Variants in CA10 observed in about 807,000 individuals in gnomAD.
The protein encoded by CA10 is carbonic anhydrase 10 (inactive).
A neutral mutation model predicts 44.2 loss-of-function variants in CA10; 14 were observed. The ratio of observed to expected loss-of-function variants is 0.32; its 90% confidence interval spans 0.21 to 0.50. The LOEUF (loss-of-function observed/expected upper bound fraction) is 0.50. CA10 is among the 20% of genes least tolerant of loss of function. CA10 has a pLI of 0.99. For synonymous variants in CA10, 159 were observed against 141.6 expected (o/e 1.12, Z -0.87); for missense variants, 350 against 409.7 (o/e 0.85, Z 1.26).
At chr17:51,700,778 G>A (rs1915571640) in intron 4 of CA10, among the ~76,000 whole-genome samples, 1 of 152,134 alleles carries the variant, frequency 6.6e-6, no homozygotes, top group Non-Finnish European at 1.5e-5. Flanking sequence ...GGACATAGAT[G>A]GAGCTGGAAG....
At chr17:52,012,191 G>A (rs906714584) in intron 2 of CA10, among the ~76,000 whole-genome samples, 1 of 151,828 alleles carries the variant, frequency 6.6e-6, no homozygotes. Context: ...AGAAACTGAG[G>A]GGAAAAAGAT....
chr17:51,660,584 T>G (rs1158222632), intron 4 of CA10, among the ~76,000 whole-genome samples: 3 of 152,194 alleles, frequency 2.0e-5, no homozygotes, highest in African/African-American at 7.2e-5. Context: ...TCACCCCTCA[T>G]GCCTCAGGAG....
intron 3 of CA10, among the ~76,000 whole-genome samples, chr17:51,863,633 G>T (rs1204201681): frequency 6.6e-6 from 1 of 152,172 alleles, no homozygotes; most frequent in African/African-American, 2.4e-5. Flanking sequence ...CACTTTTGAT[G>T]AGCTGGATAC....
chr17:52,121,033 C>A (rs1390540936), intron 1 of CA10, among the ~76,000 whole-genome samples: 1 of 152,166 alleles, frequency 6.6e-6, no homozygotes, highest in Non-Finnish European at 1.5e-5. Context: ...AACCTGGATA[C>A]CTTCCACTGT....
At chr17:52,099,217 C>T (rs1988479258) in intron 1 of CA10, among the ~76,000 whole-genome samples, 1 of 152,110 alleles carries the variant, frequency 6.6e-6, no homozygotes, top group African/African-American at 2.4e-5. Context: ...CAGGAAAGAG[C>T]TTAATATGCT....
At chr17:51,815,726 T>A (rs1254204448) in intron 3 of CA10, among the ~76,000 whole-genome samples, 2 of 152,160 alleles carry the variant, frequency 1.3e-5, no homozygotes, top group Non-Finnish European at 2.9e-5. Context: ...ATACTGGAAT[T>A]TGAGAGAGAA....
chr17:52,027,513 T>G lies in CA10; in HGVS notation c.136+44806A>C, dbSNP rs527931507. On this transcript the variant is annotated intron_variant, in intron 2 of 8. Coordinates refer to ENST00000451037, the MANE Select transcript of CA10 (RefSeq NM_020178.5). Reference sequence around the variant, plus strand: ...ATTATCTGAAGTCTGCCCCAGCTGGTTACTCTGGGAGTCTAGGATCTAAAA... The same window carrying G: ...ATTATCTGAAGTCTGCCCCAGCTGGGTACTCTGGGAGTCTAGGATCTAAAA... 1.2e-3 allele frequency among the ~76,000 whole-genome samples: 187 copies of G among 152,246 alleles called. 5 individuals carry two copies. The South Asian group carries it at 0.023, about 19-fold the overall frequency.
intron 3 of CA10, among the ~76,000 whole-genome samples, chr17:51,849,203 A>ATATGTG (rs1978655186): frequency 4.6e-5 from 2 of 43,274 alleles, no homozygotes; most frequent in Non-Finnish European, 8.5e-5. Context: ...ATATACATAT[A>ATATGTG]TGTATATATA....
intron 3 of CA10, among the ~76,000 whole-genome samples, chr17:51,899,781 C>G (rs1981230624): frequency 6.6e-6 from 1 of 151,898 alleles, no homozygotes. Context: ...GAATTCAACC[C>G]TTAGCCATTA....
chr17:51,827,341 CACACACACACACAT>C (rs947007283), intron 3 of CA10, among the ~76,000 whole-genome samples: 10 of 150,910 alleles, frequency 6.6e-5, no homozygotes, highest in African/African-American at 2.2e-4. Context: ...CGCACACACA[CACACACACACACAT>C]ACACACACAC....
intron 3 of CA10, among the ~76,000 whole-genome samples, chr17:51,828,904 A>G (rs1171020061): frequency 2.0e-5 from 3 of 152,254 alleles, no homozygotes; most frequent in Non-Finnish European, 4.4e-5. Context: ...GTTATGTTAA[A>G]ATAGTGCATG....
At chr17:52,145,319 G>C (rs2143395034) in intron 1 of CA10, among the ~76,000 whole-genome samples, 1 of 152,242 alleles carries the variant, frequency 6.6e-6, no homozygotes, top group Non-Finnish European at 1.5e-5. Context: ...TTCTGTAAAA[G>C]TCTCTTAATA....
chr17:51,929,557 GC>G (rs1982567090), intron 3 of CA10, among the ~76,000 whole-genome samples: 1 of 152,018 alleles, frequency 6.6e-6, no homozygotes, highest in Non-Finnish European at 1.5e-5. Context: ...TCCACCCCCT[GC>G]TTTTCCTTTT....
chr17:51,746,947 CT>C (rs1462649940), intron 4 of CA10, among the ~76,000 whole-genome samples: 3 of 152,236 alleles, frequency 2.0e-5, no homozygotes, highest in Admixed American at 6.5e-5. Flanking sequence ...GTAAGGACCC[CT>C]GATCTCTAGT....
intron 4 of CA10, among the ~76,000 whole-genome samples, chr17:51,659,162 A>G (rs1477541040): frequency 6.6e-6 from 1 of 152,198 alleles, no homozygotes; most frequent in East Asian, 1.9e-4. Context: ...CTTATCAGCG[A>G]GGGTGGGCAA....
At chr17:52,101,630 A>G (rs1988542486) in intron 1 of CA10, among the ~76,000 whole-genome samples, 1 of 152,170 alleles carries the variant, frequency 6.6e-6, no homozygotes, top group Non-Finnish European at 1.5e-5. Context: ...AAAAATTATA[A>G]TATTTCTTAT....
At position 51,741,993 on chromosome 17, in the gene CA10, T is replaced by C. The variant is rs187312418; in HGVS notation, c.465+5640A>G. Among the ~76,000 whole-genome samples the C allele has an allele frequency of 5.3e-5, 8 of 152,352 alleles. No homozygotes were observed. The East Asian group carries it at 1.5e-3, about 29-fold the overall frequency. Reference sequence around the variant, plus strand: ...GGTCGGTCAGTTTCTCTCTTTTTAATAGCATCCTTTAAAAATGTAAACCAT... The same window carrying C: ...GGTCGGTCAGTTTCTCTCTTTTTAACAGCATCCTTTAAAAATGTAAACCAT... On this transcript the variant is annotated intron_variant, in intron 4 of 8. Coordinates refer to ENST00000451037, the MANE Select transcript of CA10 (RefSeq NM_020178.5).
chr17:51,636,775 TTGTGTGTGTGTGTGTGTGTGTG>T (rs57428535), intron 6 of CA10, among the ~76,000 whole-genome samples: 3 of 146,512 alleles, frequency 2.0e-5, no homozygotes, highest in Non-Finnish European at 4.5e-5. Flanking sequence ...ACTGATTATT[TTGTGTGTGTGTGTGTGTGTGTG>T]TGTGTGTGTG....
chr17:51,767,727 T>A (rs935021097), intron 3 of CA10, among the ~76,000 whole-genome samples: 1 of 143,302 alleles, frequency 7.0e-6, no homozygotes, highest in African/African-American at 2.5e-5. Flanking sequence ...AGCCCCGAGC[T>A]TTTTTTTTTT....
Sources: gnomAD v4.1 joint callset for allele counts (sites outside exome capture counted in the v4.1 genomes callset) on GRCh38, gnomAD v4.1.1 for gene constraint, MANE v1.5 for transcripts, NCBI Gene and HGNC (gene_info 2026-07-23, HGNC 2026-07-21) for gene names.